MED27: variants seen among roughly 807,000 people sequenced by gnomAD.
The protein encoded by MED27 is mediator complex subunit 27.
In MED27, 30 loss-of-function variants were observed where a neutral mutation model predicts 38.2. The observed-to-expected ratio is 0.79, with a 90% CI of 0.59 to 1.07. MED27 has a LOEUF of 1.07. MED27 is among the 50% of genes least tolerant of loss of function. The pLI is 0.00. For synonymous variants in MED27, 122 were observed against 153.5 expected (o/e 0.79, Z 1.52); for missense variants, 289 against 397.5 (o/e 0.73, Z 2.32).
chr9:132,067,860 C>T (rs1335278164), intron 2 of MED27, among the ~76,000 whole-genome samples: 6 of 151,998 alleles, frequency 3.9e-5, no homozygotes, highest in Non-Finnish European at 7.4e-5. Context: ...TATAGGCACC[C>T]GCCACTATGC....
chr9:132,054,264 G>A (rs977158965), intron 2 of MED27, among the ~76,000 whole-genome samples: 2 of 152,044 alleles, frequency 1.3e-5, no homozygotes, highest in African/African-American at 2.4e-5. Context: ...GCACCGCCCC[G>A]CTCCTCTCAG....
At chr9:131,879,879 T>G (rs1319561407) in intron 6 of MED27, among the ~76,000 whole-genome samples, 1 of 152,224 alleles carries the variant, frequency 6.6e-6, no homozygotes, top group Admixed American at 6.5e-5. Flanking sequence ...AATAGAATCT[T>G]GAGGAATAGC....
intron 2 of MED27, among the ~76,000 whole-genome samples, chr9:132,070,251 T>C (rs1362195645): frequency 2.6e-5 from 4 of 152,228 alleles, no homozygotes; most frequent in African/African-American, 4.8e-5. Context: ...TGTGTTCAGA[T>C]ATTGTCCTAA....
At chr9:131,888,107 G>A (rs984398096) in intron 5 of MED27, among the ~76,000 whole-genome samples, 1 of 152,168 alleles carries the variant, frequency 6.6e-6, no homozygotes, top group African/African-American at 2.4e-5. Context: ...CAGCAGGCAG[G>A]TGATTCTGTC....
chr9:131,885,987 G>A (rs1342803024), intron 5 of MED27, among the ~76,000 whole-genome samples: 2 of 152,200 alleles, frequency 1.3e-5, no homozygotes, highest in East Asian at 3.9e-4. Context: ...GTTTAGGCCT[G>A]TGTGGTGTGT....
chr9:131,925,889 A>G (rs1830474979), intron 4 of MED27, among the ~76,000 whole-genome samples: 1 of 152,250 alleles, frequency 6.6e-6, no homozygotes, highest in Non-Finnish European at 1.5e-5. Flanking sequence ...CCAATATGAA[A>G]GGGCCATGCC....
intron 4 of MED27, among the ~76,000 whole-genome samples, chr9:131,924,099 T>A (rs1830442178): frequency 6.6e-6 from 1 of 152,252 alleles, no homozygotes; most frequent in Non-Finnish European, 1.5e-5. Flanking sequence ...GGTATATATG[T>A]ATTTTCATAT....
chr9:131,975,607 C>T (rs901065977), intron 3 of MED27, among the ~76,000 whole-genome samples: 1 of 152,234 alleles, frequency 6.6e-6, no homozygotes, highest in Admixed American at 6.5e-5. Context: ...CTGCCATTAG[C>T]GCTGGGGGAG....
chr9:131,971,649 C>T lies in MED27; in HGVS notation c.480-32175G>A, dbSNP rs541770345. On this transcript the variant is annotated intron_variant, in intron 3 of 7. Transcript: ENST00000292035. ...CGGACCTGGGCCCCGTTAGTGGTGA[C>T]GGGGAGAAGAGCAGGACTTGAGATG... Among the ~76,000 whole-genome samples, 6 of 152,072 alleles carry T rather than the reference C, an allele frequency of 3.9e-5. No homozygotes were observed. The East Asian group carries it at 5.8e-4, about 15-fold the overall frequency.
chr9:131,970,323 C>T (rs1327947632), intron 3 of MED27, among the ~76,000 whole-genome samples: 1 of 152,236 alleles, frequency 6.6e-6, no homozygotes. Flanking sequence ...CCTGGCAGGG[C>T]CACCAGCACA....
At chr9:131,891,206 G>A (rs1254007211) in intron 5 of MED27, among the ~76,000 whole-genome samples, 1 of 152,096 alleles carries the variant, frequency 6.6e-6, no homozygotes, top group African/African-American at 2.4e-5. Flanking sequence ...AGGGCAAAAG[G>A]CACAAAACGT....
At chr9:131,888,086 C>T (rs187783374) in intron 5 of MED27, among the ~76,000 whole-genome samples, 27 of 152,258 alleles carry the variant, frequency 1.8e-4, no homozygotes, top group African/African-American at 4.6e-4. Context: ...ACAATCAGAG[C>T]GACCCAGTAT....
chr9:131,863,028 T>C, intron 7 of MED27, 35 bp downstream of exon 7: 1 of 1,597,024 alleles, frequency 6.3e-7, no homozygotes, highest in Non-Finnish European at 8.6e-7. Context: ...GGAGCTGAGG[T>C]TTAAACAGGA....
chr9:132,000,565 C>T (rs147918141), intron 3 of MED27, among the ~76,000 whole-genome samples: 2 of 152,262 alleles, frequency 1.3e-5, no homozygotes, highest in Non-Finnish European at 2.9e-5. Flanking sequence ...TATGTTCATA[C>T]TGGCTTTATT....
chr9:131,950,046 G>A (rs1830961084), intron 3 of MED27, among the ~76,000 whole-genome samples: 2 of 151,996 alleles, frequency 1.3e-5, no homozygotes, highest in Non-Finnish European at 1.5e-5. Context: ...GTGGGTCCTA[G>A]TTTTCCCTAA....
chr9:131,894,377 T>C (rs1356986944), intron 4 of MED27, among the ~76,000 whole-genome samples: 2 of 151,474 alleles, frequency 1.3e-5, no homozygotes, highest in East Asian at 3.8e-4. Flanking sequence ...CGTTGTTTCG[T>C]GCTCATGGCC....
Position 132,014,335 on chromosome 9 carries a change from A to T in MED27, c.479+2T>A. Reference sequence around the variant, plus strand: ...AAGTAATTTTTCAAATCCATCACTCACTGAGGTGGTAGGACAAGAGTTGTG... The same window carrying T: ...AAGTAATTTTTCAAATCCATCACTCTCTGAGGTGGTAGGACAAGAGTTGTG... On this transcript the variant is annotated splice_donor_variant, in intron 3 of 7. Coordinates refer to ENST00000292035, the MANE Select transcript of MED27 (RefSeq NM_004269.4). LOFTEE classifies it high-confidence loss of function. 6.2e-7 allele frequency: 1 copy of T among 1,611,150 alleles called. No individual in the cohort carries two copies.
chr9:131,974,347 C>G (rs1250560974), intron 3 of MED27, among the ~76,000 whole-genome samples: 2 of 152,332 alleles, frequency 1.3e-5, no homozygotes, highest in African/African-American at 4.8e-5. Flanking sequence ...CCAGGCTTAA[C>G]GGATATACAG....
Position 131,898,270 on chromosome 9 carries a change from T to G in MED27, c.574-4278A>C, listed in dbSNP as rs564120458. Among the ~76,000 whole-genome samples, 6 of 152,308 alleles carry G rather than the reference T, an allele frequency of 3.9e-5. No homozygotes were observed. In the South Asian group the frequency reaches 1.2e-3, roughly 32 times the overall value. ...TTATTTTTGAGATGGAGTCCTGCTC[T>G]GTCACCCAGGCTGGAGTGCAGTGGG... On this transcript the variant is annotated intron_variant, in intron 4 of 7. Transcript: ENST00000292035.
Sources: gnomAD v4.1 joint callset for allele counts (sites outside exome capture counted in the v4.1 genomes callset) on GRCh38, gnomAD v4.1.1 for gene constraint, MANE v1.5 for transcripts, NCBI Gene and HGNC (gene_info 2026-07-23, HGNC 2026-07-21) for gene names.